Variants in RGP1 observed in about 807,000 individuals in gnomAD.
The protein encoded by RGP1 is RAB6A-GEF complex partner protein 2.
In RGP1, 28 loss-of-function variants were observed where a neutral mutation model predicts 44.5. The ratio of observed to expected loss-of-function variants is 0.63; its 90% CI spans 0.47 to 0.86. The LOEUF (loss-of-function observed/expected upper bound fraction) is 0.86. RGP1 is among the 40% of genes least tolerant of loss of function. RGP1 has a pLI of 0.00. For synonymous variants in RGP1, 212 were observed against 196.7 expected (o/e 1.08, Z -0.65); for missense variants, 417 against 490.7 (o/e 0.85, Z 1.42).
In RGP1 at chr9:35,752,025, G is replaced by A. The variant is rs757853604; in HGVS notation, c.832G>A (p.Val278Ile). 6.2e-7 allele frequency: 1 copy of A among 1,610,148 alleles called. No individual in the cohort carries two copies. Among genetic ancestry groups the A allele is most frequent in the Non-Finnish European group, 8.5e-7 (1 of 1,177,852 alleles). ...CCAGCGGCGACGTGGGGCAGGGGGTGTCCCCTCTGTGTCACATGTGACTCA... is the reference window on the plus strand; with the variant it reads ...CCAGCGGCGACGTGGGGCAGGGGGTATCCCCTCTGTGTCACATGTGACTCA... ...EYQRRRGAGG[V>I]PSVSHVTHAR... is the part of the protein sequence containing the mutation. The change falls in exon 8 of 9, where the codon GTC becomes ATC. Residue 278 changes from valine to isoleucine, a missense_variant. Transcript: ENST00000378078.
chr9:35,768,218 C>G, the RGP1 span, among the ~76,000 whole-genome samples: 2 of 151,948 alleles, frequency 1.3e-5, no homozygotes. Flanking sequence ...TGTGCCACCA[C>G]TCTTGGCTAA....
chr9:35,782,152 A>G, the RGP1 span, among the ~76,000 whole-genome samples: 1 of 151,806 alleles, frequency 6.6e-6, no homozygotes, highest in East Asian at 1.9e-4. Flanking sequence ...ATGCCCGGCT[A>G]TTATTTCTCT....
the RGP1 span, among the ~76,000 whole-genome samples, chr9:35,771,034 C>G: frequency 2.6e-5 from 4 of 152,156 alleles, no homozygotes; most frequent in African/African-American, 9.7e-5. Flanking sequence ...ATTTTGTTGC[C>G]CTTTTATCAT....
the RGP1 span, chr9:35,786,754 T>C: frequency 6.6e-6 from 1 of 152,176 alleles, no homozygotes; most frequent in Admixed American, 6.5e-5. Flanking sequence ...CCTGTTTGTC[T>C]AAAAAACATA....
chr9:35,767,951 C>G, the RGP1 span, among the ~76,000 whole-genome samples: 1 of 152,080 alleles, frequency 6.6e-6, no homozygotes. Flanking sequence ...AGGCGCCCAC[C>G]ATGACACCCA....
Position 35,757,996 on chromosome 9 carries a change from A to T in RGP1, c.*5122A>T, listed in dbSNP as rs1827383275. 6.6e-6 allele frequency: 1 copy of T among 152,272 alleles called. No homozygotes were observed. Among genetic ancestry groups the T allele is most frequent in the Non-Finnish European group, 1.5e-5 (1 of 68,048 alleles). 9.4% of individuals were successfully genotyped at this position (152,272 alleles called of 1,614,324 possible). ...CCAAAAGTGAGGCTCTCAGATTGGT[A>T]ATATGGTATTCAGCCTTTTTCTTGT... is the stretch of plus-strand genomic sequence containing the variant. On this transcript the variant is annotated 3_prime_UTR_variant, in exon 9 of 9. Coordinates refer to ENST00000378078, the MANE Select transcript of RGP1 (RefSeq NM_001080496.3).
intron 7 of RGP1, 51 bp from the exon 8 acceptor site, chr9:35,751,905 T>C (rs1162504574): frequency 6.4e-7 from 1 of 1,555,198 alleles, no homozygotes; most frequent in African/African-American, 1.4e-5. Flanking sequence ...GGCTGTCCTC[T>C]CACCTACAGA....
chr9:35,766,147 TAAAAAAAAAAA>T, the RGP1 span, among the ~76,000 whole-genome samples: 1 of 125,118 alleles, frequency 8.0e-6, no homozygotes, highest in African/African-American at 3.1e-5. Flanking sequence ...GTCAGTTTCT[TAAAAAAAAAAA>T]AAAAAAAAAA....
chr9:35,749,688 C>T lies in RGP1; in HGVS notation c.-19-49C>T. ...TCAGCCCTAGGTGCTCACCGCAACG[C>T]CCCTCCCTGTCAAGGTGCTGACCTC... On this transcript the variant is annotated intron_variant, in intron 1 of 8. Coordinates refer to ENST00000378078, the MANE Select transcript of RGP1 (RefSeq NM_001080496.3). The surrounding 1 kb of genome is among the most constrained non-coding windows in gnomAD (Gnocchi z 4.4). The T allele has an allele frequency of 8.8e-7, 1 of 1,142,552 alleles. No individual in the cohort carries two copies. Among genetic ancestry groups the T allele is most frequent in the Non-Finnish European group, 1.3e-6 (1 of 764,644 alleles). 70.8% of individuals were successfully genotyped at this position (1,142,552 alleles called of 1,614,324 possible).
At chr9:35,787,704 T>A in the RGP1 span, among the ~76,000 whole-genome samples, 4 of 152,242 alleles carry the variant, frequency 2.6e-5, no homozygotes, top group African/African-American at 9.6e-5. Context: ...AAATAAAGAA[T>A]GCAGAATTTG....
chr9:35,751,436 C>A, intron 6 of RGP1, 24 bp downstream of exon 6: 1 of 1,613,362 alleles, frequency 6.2e-7, no homozygotes, highest in South Asian at 1.1e-5. Context: ...CAGAATTGTC[C>A]TACCCCATCC....
At chr9:35,773,683 G>A in the RGP1 span, among the ~76,000 whole-genome samples, 1 of 151,956 alleles carries the variant, frequency 6.6e-6, no homozygotes, top group South Asian at 2.1e-4. Context: ...TGTGTTTTTA[G>A]TAGAGATGGG....
At chr9:35,759,079 C>T (rs1321173825), downstream of RGP1, among the ~76,000 whole-genome samples, 4 of 152,146 alleles carry the variant, frequency 2.6e-5, no homozygotes, top group Non-Finnish European at 5.9e-5. Flanking sequence ...CTTATGTTTC[C>T]ATTACTTTTC....
At position 35,752,924 on chromosome 9, in the gene RGP1, C is replaced by T. The variant is rs1387451001; in HGVS notation, c.*50C>T. Reference sequence around the variant, plus strand: ...CCTTCCGGATACTGAGAACTCAGCACCTGGACTCTAATGGGACCCACTTTT... The same window carrying T: ...CCTTCCGGATACTGAGAACTCAGCATCTGGACTCTAATGGGACCCACTTTT... On this transcript the variant is annotated 3_prime_UTR_variant, in exon 9 of 9. Transcript: ENST00000378078. The T allele has an allele frequency of 1.3e-6, 2 of 1,585,496 alleles. No homozygotes were observed. The highest frequency in any genetic ancestry group is 1.3e-5 in the African/African-American group (1 of 74,152).
At position 35,752,832 on chromosome 9, in the gene RGP1, A is replaced by T; in HGVS notation, c.1134A>T (p.Ser378=). 1.2e-6 allele frequency: 2 copies of T among 1,613,860 alleles called. No homozygotes were observed. Among genetic ancestry groups the T allele is most frequent in the Non-Finnish European group, 1.7e-6 (2 of 1,179,870 alleles). Residue 378 remains serine (S), a synonymous_variant, in exon 9 of 9, where the codon TCA becomes TCT. Transcript: ENST00000378078. ...KVLPTSPTLA[S]YAAPGPSTST... ...TGCCTACTAGCCCCACCCTGGCCTC[A>T]TATGCTGCCCCAGGCCCCAGCACCA...
At chr9:35,784,292 C>T in the RGP1 span, among the ~76,000 whole-genome samples, 1 of 152,092 alleles carries the variant, frequency 6.6e-6, no homozygotes, top group African/African-American at 2.4e-5. Context: ...TTGATGCAAT[C>T]CTGTTTGTCT....
chr9:35,777,255 C>T, the RGP1 span, among the ~76,000 whole-genome samples: 1 of 149,676 alleles, frequency 6.7e-6, no homozygotes, highest in African/African-American at 2.5e-5. Context: ...TCAGCCTCCC[C>T]AGTAGCTGGG....
chr9:35,753,343 C>A lies in RGP1; in HGVS notation c.*469C>A. On this transcript the variant is annotated 3_prime_UTR_variant, in exon 9 of 9. Transcript: ENST00000378078. This position sits in a 1 kb window ranked among gnomAD's most constrained non-coding sequence, Gnocchi z 4.2. ...GAAAGGCTGCCTTTATCCCTGCCCACATGTTCCCTCTCTCACAGTTTTCCC... is the reference window on the plus strand; with the variant it reads ...GAAAGGCTGCCTTTATCCCTGCCCAAATGTTCCCTCTCTCACAGTTTTCCC... The A allele has an allele frequency of 6.5e-7, 1 of 1,541,496 alleles. No homozygotes were observed.
chr9:35,752,541 T>C, intron 8 of RGP1, 110 bp from the exon 9 acceptor site: 1 of 996,130 alleles, frequency 1.0e-6, no homozygotes, highest in Non-Finnish European at 1.5e-6. Flanking sequence ...GACTTTTCCC[T>C]GTCTTCCTGA....
Sources: allele counts gnomAD v4.1 joint callset (sites outside exome capture counted in the v4.1 genomes callset), GRCh38; gene constraint gnomAD v4.1.1; non-coding constraint Gnocchi (gnomAD v3.1); transcripts MANE v1.5; gene names NCBI Gene and HGNC (gene_info 2026-07-23, HGNC 2026-07-21).